Variants in MYO5B observed in about 807,000 individuals in gnomAD.
MYO5B encodes myosin VB.
A neutral mutation model predicts 229.3 loss-of-function variants in MYO5B; 143 were observed. The observed-to-expected ratio is 0.62, with a 90% CI of 0.54 to 0.72. The LOEUF is 0.72. Ranked by LOEUF, MYO5B falls within the 30% of genes least tolerant of loss-of-function variation. The probability of loss-of-function intolerance (pLI) is 0.00; values close to 1 mark genes in which losing one functional copy is unlikely to be tolerated. For synonymous variants in MYO5B, 918 were observed against 885.2 expected, an observed-to-expected ratio of 1.04 and a Z score of -0.66; for missense variants, 2,321 against 2,331.0, an observed-to-expected ratio of 1.00 and a Z score of 0.09.
rs114213324 is a variant in MYO5B at position 50,043,765 on chromosome 18, G to A, written c.139-3451C>T. 9.0e-3 allele frequency among the ~76,000 whole-genome samples: 1,348 copies of A among 149,618 alleles called. 17 individuals are homozygous for A. Among genetic ancestry groups the A allele is most frequent in the African/African-American group, 0.031 (1,253 of 40,668 alleles). On this transcript the variant is annotated intron_variant, in intron 2 of 39. Coordinates refer to ENST00000285039, the MANE Select transcript of MYO5B (RefSeq NM_001080467.3). ...GAATGGCATTAGCAGCAATCTGGAT[G>A]GGACTGGAGATTCTAAGTAACTCAG...
intron 28 of MYO5B, among the ~76,000 whole-genome samples, chr18:49,863,595 C>A (rs768027054): frequency 6.6e-6 from 1 of 152,106 alleles, no homozygotes; most frequent in Non-Finnish European, 1.5e-5. Flanking sequence ...AGAGAGCACC[C>A]AAGTCCAGAG....
intron 1 of MYO5B, among the ~76,000 whole-genome samples, chr18:50,132,597 T>C (rs1261496488): frequency 6.6e-6 from 1 of 152,216 alleles, no homozygotes; most frequent in Non-Finnish European, 1.5e-5. Flanking sequence ...TTGTGCTCAG[T>C]AAAATGCTTA....
chr18:49,835,561 T>C lies in MYO5B; in HGVS notation c.5314-137A>G, dbSNP rs2023977680. The C allele has an allele frequency of 8.9e-6, 6 of 672,666 alleles. No individual in the cohort carries two copies. In the Admixed American group the frequency reaches 1.2e-4, roughly 13 times the overall value. 41.7% of individuals were successfully genotyped at this position (672,666 alleles called of 1,614,324 possible). ...GCCCACAACACAGATGGAGCTGGAC[T>C]GACATTTACACTTGGAGCCTGCATC... is the stretch of plus-strand genomic sequence containing the variant. On this transcript the variant is annotated intron_variant, in intron 38 of 39. Transcript: ENST00000285039.
intron 12 of MYO5B, among the ~76,000 whole-genome samples, chr18:49,956,101 T>C (rs1213598408): frequency 6.9e-6 from 1 of 145,512 alleles, no homozygotes. Flanking sequence ...AGGTCAAGTG[T>C]ATACATAATT....
intron 1 of MYO5B, among the ~76,000 whole-genome samples, chr18:50,089,055 C>T (rs1339222595): frequency 6.6e-6 from 1 of 152,108 alleles, no homozygotes; most frequent in Non-Finnish European, 1.5e-5. Flanking sequence ...CCTTTAAGTA[C>T]CATTTTTTAA....
At chr18:49,995,736 G>A (rs979962535) in intron 5 of MYO5B, among the ~76,000 whole-genome samples, 1 of 152,170 alleles carries the variant, frequency 6.6e-6, no homozygotes, top group African/African-American at 2.4e-5. Flanking sequence ...TGCAGGAGGT[G>A]TAACAGAATG....
chr18:50,088,560 G>A (rs55781418), intron 1 of MYO5B, among the ~76,000 whole-genome samples: 16,136 of 152,208 alleles, frequency 0.11, 1,671 homozygotes, highest in African/African-American at 0.27. Flanking sequence ...TATTTTTAAA[G>A]TCTATATTTT....
chr18:50,050,771 G>A lies in MYO5B; in HGVS notation c.138+4497C>T, dbSNP rs2030370504. ...GTAACACTGCCAGCACTGGAGAAAT[G>A]ATGCTTTGGAGTGTGGGGAAGAATC... On this transcript the variant is annotated intron_variant, in intron 2 of 39. Coordinates refer to ENST00000285039, the MANE Select transcript of MYO5B (RefSeq NM_001080467.3). Among the ~76,000 whole-genome samples, 4 of 152,212 alleles carry A rather than the reference G, an allele frequency of 2.6e-5. No individual in the cohort carries two copies. In the South Asian group the frequency reaches 8.3e-4, roughly 32 times the overall value.
At chr18:49,864,594 A>T (rs548846064) in intron 27 of MYO5B, among the ~76,000 whole-genome samples, 2 of 152,382 alleles carry the variant, frequency 1.3e-5, no homozygotes, top group Middle Eastern at 3.4e-3. Flanking sequence ...AAGCACCTGC[A>T]CAATGCCTCC....
chr18:49,890,030 A>G (rs1458059463), intron 22 of MYO5B, among the ~76,000 whole-genome samples: 1 of 152,184 alleles, frequency 6.6e-6, no homozygotes, highest in African/African-American at 2.4e-5. Context: ...TGCCTAAACA[A>G]TTTTGGAGGT....
rs547997892 is a variant in MYO5B at position 49,870,545 on chromosome 18, A to G, written c.3603+1622T>C. 3.9e-5 allele frequency among the ~76,000 whole-genome samples: 6 copies of G among 152,348 alleles called. No individual in the cohort carries two copies. In the East Asian group the frequency reaches 1.2e-3, roughly 29 times the overall value. ...CAATCATGTATCTGATAAGGGATTA[A>G]TATCTAGAATATGTAGAGAACTCCT... On this transcript the variant is annotated intron_variant, in intron 27 of 39. Transcript: ENST00000285039.
At chr18:49,841,329 C>G in intron 35 of MYO5B, 36 bp downstream of exon 35, 1 of 1,594,490 alleles carries the variant, frequency 6.3e-7, no homozygotes, top group Non-Finnish European at 8.6e-7. Context: ...TTGGATGAAG[C>G]AGGAATGCCT....
At chr18:49,871,767 C>A (rs765354381) in intron 27 of MYO5B, 2 of 304,126 alleles carry the variant, frequency 6.6e-6, no homozygotes, top group Admixed American at 4.3e-5. Flanking sequence ...TGTTCGGAAG[C>A]CCCTTTTCTG....
At chr18:50,138,426 C>A (rs2032368581) in intron 1 of MYO5B, among the ~76,000 whole-genome samples, 2 of 151,970 alleles carry the variant, frequency 1.3e-5, no homozygotes, top group African/African-American at 2.4e-5. Flanking sequence ...GGGGGGGTGG[C>A]AGGAGCAGTA....
At chr18:49,875,269 T>C (rs4939905) in intron 26 of MYO5B, among the ~76,000 whole-genome samples, 36,546 of 152,076 alleles carry the variant, frequency 0.24, 4,530 homozygotes, top group East Asian at 0.42. Context: ...GACACACACT[T>C]GGTCTGCCTC....
chr18:49,868,103 A>T (rs1226508489), intron 27 of MYO5B, among the ~76,000 whole-genome samples: 2 of 152,196 alleles, frequency 1.3e-5, no homozygotes, highest in Non-Finnish European at 1.5e-5. Flanking sequence ...AAAGCAGAAA[A>T]ATTATATATA....
intron 4 of MYO5B, among the ~76,000 whole-genome samples, chr18:50,023,158 T>C (rs563705933): frequency 9.3e-5 from 14 of 150,328 alleles, no homozygotes; most frequent in Admixed American, 8.6e-4. Flanking sequence ...AAAGTCACTT[T>C]AGTGATTTAC....
rs1287844169 is a variant in MYO5B at position 50,052,190 on chromosome 18, C to T, written c.138+3078G>A. Among the ~76,000 whole-genome samples the T allele has an allele frequency of 2.6e-5, 4 of 152,280 alleles. No individual in the cohort carries two copies. In the South Asian group the frequency reaches 8.3e-4, roughly 32 times the overall value. ...GAACTAGAAATACCTTTTGACCCAGCCATCCCATTACTGGGTATATACCAA... is the reference window on the plus strand; with the variant it reads ...GAACTAGAAATACCTTTTGACCCAGTCATCCCATTACTGGGTATATACCAA... On this transcript the variant is annotated intron_variant, in intron 2 of 39. Coordinates refer to ENST00000285039, the MANE Select transcript of MYO5B (RefSeq NM_001080467.3).
intron 32 of MYO5B, 73 bp from the exon 33 acceptor site, chr18:49,847,362 G>A: frequency 6.4e-7 from 1 of 1,558,934 alleles, no homozygotes; most frequent in Non-Finnish European, 8.7e-7. Context: ...GGCATCTCTG[G>A]CGGGTGGAGG....
Sources: gnomAD v4.1 joint callset for allele counts (sites outside exome capture counted in the v4.1 genomes callset) on GRCh38, gnomAD v4.1.1 for gene constraint, MANE v1.5 for transcripts, NCBI Gene and HGNC (gene_info 2026-07-23, HGNC 2026-07-21) for gene names.